The following PRMT2 variants were observed in gnomAD, a reference collection of about 807,000 sequenced individuals.
The protein encoded by PRMT2 is protein arginine methyltransferase 2, also known as protein arginine N-methyltransferase 2.
In PRMT2, 26 loss-of-function variants were observed where a neutral mutation model predicts 57.6. The ratio of observed to expected loss-of-function variants is 0.45; its 90% CI spans 0.33 to 0.63. PRMT2 has a LOEUF of 0.63. PRMT2 is among the 20% of genes least tolerant of loss of function. The pLI is 0.02. For synonymous variants in PRMT2, 219 were observed against 220.0 expected (o/e 1.00, Z 0.04); for missense variants, 472 against 564.4 (o/e 0.84, Z 1.66).
intron 3 of PRMT2, among the ~76,000 whole-genome samples, chr21:46,638,164 C>G (rs1340944857): frequency 1.3e-5 from 2 of 152,066 alleles, no homozygotes; most frequent in East Asian, 3.8e-4. Flanking sequence ...TTTAGAGTTT[C>G]CATAGTGGTG....
At position 46,652,082 on chromosome 21, in the gene PRMT2, AG is replaced by A. The variant is rs368533943; in HGVS notation, c.654+2344del. 5.2e-4 allele frequency: 820 copies of A among 1,575,494 alleles called. 6 individuals carry two copies. In the African/African-American group the frequency reaches 0.01, roughly 19 times the overall value. ...AGCATAGGAGGGGCAGCTTTCAGTCAGTGCAGCAAGGGCATGTAGTTGTTCA... is the reference window on the plus strand; with the variant it reads ...AGCATAGGAGGGGCAGCTTTCAGTCATGCAGCAAGGGCATGTAGTTGTTCA... On this transcript the variant is annotated intron_variant, in intron 7 of 11. Coordinates refer to ENST00000355680, the MANE Select transcript of PRMT2 (RefSeq NM_206962.4).
chr21:46,663,428 C>A lies in PRMT2; in HGVS notation c.1143C>A (p.Val381=), dbSNP rs1358046183. ...CGCTGTTCATGATGGACGACCCAGT[C>A]CCTGTCCATACAGGAGACGTGGTCA... is the stretch of plus-strand genomic sequence containing the variant. The part of the protein sequence containing the change: ...KQTLFMMDDP[V]PVHTGDVVTG... The change falls in exon 11 of 12, where the codon GTC becomes GTA. Residue 381 remains valine, a synonymous_variant. Coordinates refer to ENST00000355680, the MANE Select transcript of PRMT2 (RefSeq NM_206962.4). 1.3e-5 allele frequency: 21 copies of A among 1,614,148 alleles called. No homozygotes were observed. Among genetic ancestry groups the A allele is most frequent in the Non-Finnish European group, 1.8e-5 (21 of 1,179,996 alleles).
chr21:46,636,054 C>G (rs903927469), intron 1 of PRMT2: 2 of 153,106 alleles, frequency 1.3e-5, no homozygotes, highest in African/African-American at 2.4e-5. Context: ...CCCTTCGCGG[C>G]CACGCCCACC....
At chr21:46,655,885 TAATAA>T (rs539623734) in intron 7 of PRMT2, among the ~76,000 whole-genome samples, 9 of 152,292 alleles carry the variant, frequency 5.9e-5, no homozygotes, top group African/African-American at 2.2e-4. Context: ...TCTGTAGACT[TAATAA>T]AATTCCAATT....
At chr21:46,636,362 C>G (rs936725021) in intron 1 of PRMT2, 77 bp from the exon 2 acceptor site, 2 of 152,368 alleles carry the variant, frequency 1.3e-5, no homozygotes, top group East Asian at 3.8e-4. Context: ...AAATAAGCTT[C>G]AAGTCTGGAT....
chr21:46,664,213 C>A, intron 11 of PRMT2, 82 bp from the exon 12 acceptor site: 1 of 1,244,270 alleles, frequency 8.0e-7, no homozygotes, highest in Non-Finnish European at 1.2e-6. Flanking sequence ...TTCTCTTGTC[C>A]AATATTAAAC....
At chr21:46,646,937 T>G (rs1483943419) in intron 5 of PRMT2, among the ~76,000 whole-genome samples, 2 of 152,220 alleles carry the variant, frequency 1.3e-5, no homozygotes, top group Non-Finnish European at 2.9e-5. Flanking sequence ...ATGGCTGTCC[T>G]CACGTGGTGA....
chr21:46,643,314 C>G, intron 3 of PRMT2: 1 of 866,546 alleles, frequency 1.2e-6, no homozygotes, highest in Non-Finnish European at 1.5e-6. Context: ...CTTTGATGTT[C>G]TCTTTTAGGG....
chr21:46,645,253 C>A (rs554127280), intron 5 of PRMT2, among the ~76,000 whole-genome samples: 8 of 151,582 alleles, frequency 5.3e-5, no homozygotes, highest in Non-Finnish European at 1.0e-4. Context: ...GGCTACAGAG[C>A]GAGAGCCTGT....
chr21:46,660,980 T>A lies in PRMT2; in HGVS notation c.960+18T>A. The A allele has an allele frequency of 6.2e-7, 1 of 1,607,716 alleles. No individual in the cohort carries two copies. The highest frequency in any genetic ancestry group is 8.5e-7 in the Non-Finnish European group (1 of 1,177,074). Reference sequence around the variant, plus strand: ...ATCTAGAGGTGAGAAAAAGATGAATTGCTCCTTACATTCGATAATCAGTGA... The same window carrying A: ...ATCTAGAGGTGAGAAAAAGATGAATAGCTCCTTACATTCGATAATCAGTGA... On this transcript the variant is annotated intron_variant, in intron 9 of 11. Coordinates refer to ENST00000355680, the MANE Select transcript of PRMT2 (RefSeq NM_206962.4).
At chr21:46,661,963 G>C in intron 10 of PRMT2, 27 bp downstream of exon 10, 3 of 1,173,922 alleles carry the variant, frequency 2.6e-6, no homozygotes, top group Non-Finnish European at 3.2e-6. Context: ...CGGGCACGGG[G>C]TGCGGGGTGG....
intron 3 of PRMT2, among the ~76,000 whole-genome samples, chr21:46,643,001 T>C (rs1275763869): frequency 6.7e-6 from 1 of 148,326 alleles, no homozygotes; most frequent in Non-Finnish European, 1.5e-5. Context: ...CCCTCCAGCC[T>C]GGGCAACAGA....
intron 3 of PRMT2, among the ~76,000 whole-genome samples, chr21:46,639,267 A>G (rs1339686679): frequency 6.6e-6 from 1 of 152,206 alleles, no homozygotes; most frequent in Non-Finnish European, 1.5e-5. Flanking sequence ...TTCTAATCAT[A>G]TGGAATATGT....
chr21:46,651,731 C>A (rs2061456734), intron 7 of PRMT2: 6 of 1,530,970 alleles, frequency 3.9e-6, no homozygotes, highest in Non-Finnish European at 4.5e-6. Context: ...CAGGGTTGGT[C>A]GGATTTGAGG....
intron 8 of PRMT2, 140 bp downstream of exon 8, chr21:46,659,060 T>G: frequency 6.9e-7 from 1 of 1,439,160 alleles, no homozygotes; most frequent in Non-Finnish European, 9.1e-7. Flanking sequence ...GACAATCTGT[T>G]GTAGCATTGG....
intron 4 of PRMT2, 149 bp downstream of exon 4, chr21:46,643,788 C>A: frequency 1.9e-6 from 2 of 1,055,702 alleles, no homozygotes; most frequent in Non-Finnish European, 2.6e-6. Flanking sequence ...GCTCACAGCC[C>A]AGCCAGTTCT....
chr21:46,648,049 C>T lies in PRMT2; in HGVS notation c.328-409C>T, dbSNP rs902599797. On this transcript the variant is annotated intron_variant, in intron 5 of 11. Transcript: ENST00000355680. The surrounding 1 kb of genome is among the most constrained non-coding windows in gnomAD (Gnocchi z 4.8). ...CTAATTTTATTATCATTTTGTTGTG[C>T]TTTCTCCTTTAGTAGGTACTGCATG... Among the ~76,000 whole-genome samples, 1 of 152,054 alleles carries T rather than the reference C, an allele frequency of 6.6e-6. No individual in the cohort carries two copies. Among genetic ancestry groups the T allele is most frequent in the African/African-American group, 2.4e-5 (1 of 41,386 alleles).
At chr21:46,637,611 T>C (rs1601909932) in intron 3 of PRMT2, among the ~76,000 whole-genome samples, 1 of 152,202 alleles carries the variant, frequency 6.6e-6, no homozygotes, top group African/African-American at 2.4e-5. Context: ...AATCTTTCGT[T>C]AATTTCTTTA....
At chr21:46,651,739 A>G (rs1253645863) in intron 7 of PRMT2, 1 of 1,555,910 alleles carries the variant, frequency 6.4e-7, no homozygotes, top group African/African-American at 1.4e-5. Context: ...GTCGGATTTG[A>G]GGGAGGGAGG....
Sources: gnomAD v4.1 joint callset for allele counts (sites outside exome capture counted in the v4.1 genomes callset) on GRCh38, gnomAD v4.1.1 for gene constraint, Gnocchi (gnomAD v3.1) non-coding constraint, MANE v1.5 for transcripts, NCBI Gene and HGNC (gene_info 2026-07-23, HGNC 2026-07-21) for gene names.